The following DGKH variants were observed in gnomAD, a reference collection of about 807,000 sequenced individuals.
DGKH encodes the protein diacylglycerol kinase eta, also known as DAG kinase eta.
In DGKH, 90 loss-of-function variants were observed where a neutral mutation model predicts 159.3. The observed-to-expected ratio is 0.57, with a 90% CI of 0.48 to 0.67. The LOEUF (loss-of-function observed/expected upper bound fraction) is 0.67. DGKH is among the 30% of genes least tolerant of loss of function. DGKH has a pLI of 0.00. For missense variants in DGKH, 1,181 were observed against 1,506.1 expected, an observed-to-expected ratio of 0.78 and a Z score of 3.57; for synonymous variants, 536 against 553.8, an observed-to-expected ratio of 0.97 and a Z score of 0.45.
At chr13:42,070,767 C>G (rs1882909923) in intron 1 of DGKH, 1 of 1,573,874 alleles carries the variant, frequency 6.4e-7, no homozygotes. Context: ...TCTTCATGTA[C>G]TCCTGAACAA....
intron 1 of DGKH, among the ~76,000 whole-genome samples, chr13:42,060,559 A>G (rs999564355): frequency 1.1e-4 from 16 of 152,154 alleles, no homozygotes; most frequent in African/African-American, 3.6e-4. Flanking sequence ...ATTGCCTCGT[A>G]TAGAAGGGAT....
chr13:42,157,510 G>A (rs539919858), intron 5 of DGKH, among the ~76,000 whole-genome samples: 17 of 152,134 alleles, frequency 1.1e-4, no homozygotes, highest in East Asian at 1.9e-4. Context: ...ATATTCGGCC[G>A]GGCACGGTGG....
intron 1 of DGKH, among the ~76,000 whole-genome samples, chr13:42,061,623 CT>C (rs757621971): frequency 2.6e-5 from 4 of 152,194 alleles, no homozygotes; most frequent in Non-Finnish European, 4.4e-5. Flanking sequence ...TATATTTCCT[CT>C]CTTCTCCATT....
rs1301999827 is a variant in DGKH at position 42,221,302 on chromosome 13, G to C, written c.3481G>C (p.Asp1161His). Residue 1161 changes from aspartate (D) to histidine (H), a missense_variant, in exon 29 of 30, where the codon GAT (aspartate) becomes CAT (histidine). By Grantham distance (81) the Asp-to-His change is moderately conservative. Coordinates refer to ENST00000337343, the MANE Select transcript of DGKH (RefSeq NM_178009.5). ...WGTEEVAAWL[D>H]LLNLGEYKDI... Reference sequence around the variant, plus strand: ...CACAGAGGAAGTTGCTGCTTGGCTGGATCTGCTCAATTTGGGAGAGTACAA... The same window carrying C: ...CACAGAGGAAGTTGCTGCTTGGCTGCATCTGCTCAATTTGGGAGAGTACAA... 1 of 1,613,594 alleles carries C rather than the reference G, an allele frequency of 6.2e-7. No homozygotes were observed. Among genetic ancestry groups the C allele is most frequent in the East Asian group, 2.2e-5 (1 of 44,892 alleles).
At chr13:42,247,063 G>A (rs150493134), downstream of DGKH, among the ~76,000 whole-genome samples, 845 of 152,116 alleles carry the variant, frequency 5.6e-3, 7 homozygotes, top group South Asian at 0.034. Flanking sequence ...CAACATTGTA[G>A]TACAACACAT....
At chr13:42,121,066 T>C (rs906794908) in intron 1 of DGKH, among the ~76,000 whole-genome samples, 16 of 144,734 alleles carry the variant, frequency 1.1e-4, no homozygotes, top group Non-Finnish European at 1.8e-4. Context: ...ATATATATTA[T>C]ACACACACAC....
At chr13:42,040,140 G>A (rs925762204) in intron 1 of DGKH, 7 of 152,326 alleles carry the variant, frequency 4.6e-5, no homozygotes, top group Non-Finnish European at 8.8e-5. Flanking sequence ...ACTGTCCAGT[G>A]GGATTTCGCT....
At chr13:42,135,507 A>AAAAAAAAAAAAAAAAACAAAAG in intron 3 of DGKH, among the ~76,000 whole-genome samples, 1 of 113,404 alleles carries the variant, frequency 8.8e-6, no homozygotes, top group African/African-American at 2.8e-5. Flanking sequence ...AAAAAAAAAA[A>AAAAAAAAAAAAAAAAACAAAAG]AGAGAGAGAG....
intron 1 of DGKH, among the ~76,000 whole-genome samples, chr13:42,068,174 C>T (rs1593979636): frequency 6.6e-6 from 1 of 152,148 alleles, no homozygotes; most frequent in East Asian, 1.9e-4. Flanking sequence ...AGGCAACAAA[C>T]CATAGTGCCA....
At chr13:42,210,238 A>G (rs953241905) in intron 23 of DGKH, among the ~76,000 whole-genome samples, 2 of 151,858 alleles carry the variant, frequency 1.3e-5, no homozygotes, top group African/African-American at 4.8e-5. Context: ...TGGTGTGATC[A>G]TAGCTCACTG....
intron 16 of DGKH, 25 bp downstream of exon 16, chr13:42,190,550 T>C: frequency 1.3e-6 from 2 of 1,560,324 alleles, no homozygotes; most frequent in East Asian, 2.4e-5. Context: ...AAAAAATTAT[T>C]TTGGAATTAA....
rs970461848 is a variant in DGKH at position 42,235,596 on chromosome 13, A to C, written c.*6408A>C. The C allele has an allele frequency of 6.6e-6, 1 of 152,182 alleles. No individual in the cohort carries two copies. The highest frequency in any genetic ancestry group is 1.5e-5 in the Non-Finnish European group (1 of 67,996). 9.4% of individuals were successfully genotyped at this position (152,182 alleles called of 1,614,324 possible). On this transcript the variant is annotated 3_prime_UTR_variant, in exon 30 of 30. Coordinates refer to ENST00000337343, the MANE Select transcript of DGKH (RefSeq NM_178009.5). ...GTTTGATTGCACTATTGTTTCCCAC[A>C]GCTTAGCCGTATCTATTTCTGTATA...
At position 42,099,923 on chromosome 13, in the gene DGKH, T is replaced by C. The variant is rs76875189; in HGVS notation, c.193-27540T>C. Among the ~76,000 whole-genome samples, 780 of 152,280 alleles carry C rather than the reference T, an allele frequency of 5.1e-3. 22 individuals carry two copies. The East Asian group carries it at 0.081, about 16-fold the overall frequency. On this transcript the variant is annotated intron_variant, in intron 1 of 29. Transcript: ENST00000337343. ...TTGTTCTAAATTTTGTTTTAAAATA[T>C]GCCTTAAAACATTTCAAAAACAGTA...
intron 1 of DGKH, among the ~76,000 whole-genome samples, chr13:42,106,908 G>A (rs1409248997): frequency 6.6e-6 from 1 of 152,140 alleles, no homozygotes; most frequent in Non-Finnish European, 1.5e-5. Flanking sequence ...GCCAGGCACA[G>A]TGGCAGGTGC....
chr13:42,065,253 A>G (rs73470934), intron 1 of DGKH, among the ~76,000 whole-genome samples: 6,144 of 152,210 alleles, frequency 0.04, 258 homozygotes, highest in East Asian at 0.13. Flanking sequence ...ACCTTTTTGT[A>G]GATTTTGTAG....
At chr13:42,224,514 T>C (rs1958068436) in intron 29 of DGKH, among the ~76,000 whole-genome samples, 1 of 152,214 alleles carries the variant, frequency 6.6e-6, no homozygotes, top group East Asian at 1.9e-4. Context: ...TCACAGTCCA[T>C]TATCCACGTT....
At chr13:42,187,213 C>A in intron 14 of DGKH, 65 bp downstream of exon 14, 1 of 1,364,006 alleles carries the variant, frequency 7.3e-7, no homozygotes, top group South Asian at 1.2e-5. Context: ...AACTGTGTTT[C>A]AAAGCTAAAT....
chr13:42,145,601 G>T (rs1009689845), intron 3 of DGKH, among the ~76,000 whole-genome samples: 14 of 152,274 alleles, frequency 9.2e-5, no homozygotes, highest in African/African-American at 3.1e-4. Context: ...AGAAGGTGTG[G>T]CTACACAACA....
At chr13:42,059,305 A>G (rs531640140) in intron 1 of DGKH, among the ~76,000 whole-genome samples, 1 of 151,398 alleles carries the variant, frequency 6.6e-6, no homozygotes, top group Non-Finnish European at 1.5e-5. Context: ...GCTGGAGTGC[A>G]GTGGCATGAT....
Sources: allele counts gnomAD v4.1 joint callset (sites outside exome capture counted in the v4.1 genomes callset), GRCh38; gene constraint gnomAD v4.1.1; transcripts MANE v1.5; gene names NCBI Gene and HGNC (gene_info 2026-07-23, HGNC 2026-07-21).